The following GALNT13 variants were observed in gnomAD, a reference collection of about 807,000 sequenced individuals.
GALNT13 encodes the protein polypeptide N-acetylgalactosaminyltransferase 13, also known as UDP-GalNAc:polypeptide N-acetylgalactosaminyltransferase 13.
A neutral mutation model predicts 64.2 loss-of-function variants in GALNT13; 28 were observed. The ratio of observed to expected loss-of-function variants is 0.44; its 90% CI spans 0.32 to 0.60. The LOEUF is 0.60. Ranked by LOEUF, GALNT13 falls within the 20% of genes least tolerant of loss-of-function variation. The pLI, the probability that GALNT13 is intolerant of heterozygous loss-of-function variation, is 0.05. For missense variants in GALNT13, 577 were observed against 669.8 expected, an observed-to-expected ratio of 0.86 and a Z score of 1.53; for synonymous variants, 214 against 224.6, an observed-to-expected ratio of 0.95 and a Z score of 0.42.
chr2:153,861,269 C>T, the GALNT13 span, among the ~76,000 whole-genome samples: 9 of 152,080 alleles, frequency 5.9e-5, no homozygotes, highest in African/African-American at 2.2e-4. Context: ...ACTTATTTTA[C>T]CAACGAAATA....
chr2:153,603,938 CTG>C, the GALNT13 span, among the ~76,000 whole-genome samples: 1 of 151,986 alleles, frequency 6.6e-6, no homozygotes, highest in African/African-American at 2.4e-5. Context: ...TCATTATCTG[CTG>C]TGTCTTTGTT....
At chr2:153,471,387 A>G in the GALNT13 span, among the ~76,000 whole-genome samples, 1 of 152,148 alleles carries the variant, frequency 6.6e-6, no homozygotes, top group East Asian at 1.9e-4. Context: ...GATATAAGAA[A>G]ACTCAGCCAG....
intron 4 of GALNT13, among the ~76,000 whole-genome samples, chr2:154,152,723 C>A (rs1013030681): frequency 6.6e-6 from 1 of 152,186 alleles, no homozygotes; most frequent in Non-Finnish European, 1.5e-5. Context: ...TTGATCGCAT[C>A]GGCTCCTGAC....
At chr2:154,024,747 C>A (rs998671064) in intron 3 of GALNT13, among the ~76,000 whole-genome samples, 5 of 152,154 alleles carry the variant, frequency 3.3e-5, no homozygotes, top group African/African-American at 9.7e-5. Flanking sequence ...GAGCTGCATT[C>A]CTTTGGAGGA....
the GALNT13 span, among the ~76,000 whole-genome samples, chr2:153,239,024 G>T: frequency 6.6e-6 from 1 of 151,830 alleles, no homozygotes; most frequent in Admixed American, 6.6e-5. Context: ...TACCTTCAAT[G>T]TTTTATAGTT....
In GALNT13 at chr2:154,417,085, A is replaced by G. The variant is rs72872396; in HGVS notation, c.1395+8003A>G. Among the ~76,000 whole-genome samples, 1,332 of 151,982 alleles carry G rather than the reference A, an allele frequency of 8.8e-3. 9 individuals are homozygous for G. Among genetic ancestry groups the G allele is most frequent in the Middle Eastern group, 0.021 (6 of 290 alleles). ...CATTCTACTAGTCTTTTTAAAATCT[A>G]TTTCTTCTTTTCTTCCATTAATAAC... On this transcript the variant is annotated intron_variant, in intron 11 of 12. Coordinates refer to ENST00000392825, the MANE Select transcript of GALNT13 (RefSeq NM_052917.4).
At chr2:153,367,830 C>T in the GALNT13 span, among the ~76,000 whole-genome samples, 118,742 of 151,774 alleles carry the variant, frequency 0.78, 47,205 homozygotes, top group Middle Eastern at 0.85. Flanking sequence ...AAAAAATCAA[C>T]GTAAGAGAGA....
chr2:154,128,597 A>G (rs1032823830), intron 3 of GALNT13, among the ~76,000 whole-genome samples: 7 of 152,154 alleles, frequency 4.6e-5, no homozygotes, highest in Non-Finnish European at 8.8e-5. Context: ...CAGATGGTCA[A>G]TAAAATGTTG....
intron 1 of GALNT13, among the ~76,000 whole-genome samples, chr2:153,881,280 A>T (rs1574033070): frequency 6.6e-6 from 1 of 152,298 alleles, no homozygotes; most frequent in Non-Finnish European, 1.5e-5. Flanking sequence ...TATATGGTTC[A>T]TTATTTATGC....
At chr2:154,283,723 A>G (rs1692095656) in intron 8 of GALNT13, among the ~76,000 whole-genome samples, 1 of 152,144 alleles carries the variant, frequency 6.6e-6, no homozygotes. Flanking sequence ...GTGTGTGTAT[A>G]TACACACAAG....
chr2:154,439,814 C>A (rs1701192074), intron 12 of GALNT13, among the ~76,000 whole-genome samples: 1 of 152,046 alleles, frequency 6.6e-6, no homozygotes, highest in Admixed American at 6.6e-5. Flanking sequence ...ACAGTGTTAC[C>A]AGGATCTTAG....
chr2:153,890,649 CACA>C (rs1330762645), intron 1 of GALNT13, among the ~76,000 whole-genome samples: 1 of 151,984 alleles, frequency 6.6e-6, no homozygotes, highest in Non-Finnish European at 1.5e-5. Context: ...GTTAGAATGG[CACA>C]ACAACAACAG....
At chr2:153,934,239 A>G (rs574406587) in intron 2 of GALNT13, among the ~76,000 whole-genome samples, 2 of 152,306 alleles carry the variant, frequency 1.3e-5, no homozygotes, top group South Asian at 2.1e-4. Flanking sequence ...AAAGTAATAC[A>G]TGATTGTAGC....
At chr2:154,059,394 A>G (rs1418866694) in intron 3 of GALNT13, among the ~76,000 whole-genome samples, 1 of 152,234 alleles carries the variant, frequency 6.6e-6, no homozygotes, top group Non-Finnish European at 1.5e-5. Flanking sequence ...AAGGAGCGTG[A>G]TAAAATTCAA....
At chr2:153,181,697 A>G in the GALNT13 span, among the ~76,000 whole-genome samples, 3,881 of 145,658 alleles carry the variant, frequency 0.027, 175 homozygotes, top group African/African-American at 0.092. Context: ...TTATATAATT[A>G]TATTACATAA....
intron 3 of GALNT13, among the ~76,000 whole-genome samples, chr2:154,008,655 T>G (rs1696420276): frequency 6.6e-6 from 1 of 152,136 alleles, no homozygotes; most frequent in Non-Finnish European, 1.5e-5. Context: ...TTAATGTTTA[T>G]CTCCCATTTA....
upstream of GALNT13, among the ~76,000 whole-genome samples, chr2:153,868,340 T>A (rs975010298): frequency 2.0e-5 from 3 of 152,208 alleles, no homozygotes; most frequent in Non-Finnish European, 4.4e-5. Flanking sequence ...CCCCAGAGTA[T>A]AAAGGTTCTT....
chr2:153,429,994 T>G, the GALNT13 span, among the ~76,000 whole-genome samples: 1 of 152,150 alleles, frequency 6.6e-6, no homozygotes, highest in Non-Finnish European at 1.5e-5. Flanking sequence ...ATAATAAATC[T>G]TACAGGGATT....
At chr2:154,018,419 G>T (rs1173717396) in intron 3 of GALNT13, among the ~76,000 whole-genome samples, 1 of 152,138 alleles carries the variant, frequency 6.6e-6, no homozygotes, top group East Asian at 1.9e-4. Flanking sequence ...TTGGAATTGG[G>T]TCTCATAGAT....
Sources: gnomAD v4.1 joint callset for allele counts (sites outside exome capture counted in the v4.1 genomes callset) on GRCh38, gnomAD v4.1.1 for gene constraint, MANE v1.5 for transcripts, NCBI Gene and HGNC (gene_info 2026-07-23, HGNC 2026-07-21) for gene names.